Variants in CSMD3 observed in about 807,000 individuals in gnomAD.
CSMD3 encodes CUB and sushi domain-containing protein 3.
CSMD3 carries 177 observed loss-of-function variants against 435.2 expected under a neutral mutation model. The ratio of observed to expected loss-of-function variants is 0.41; its 90% CI spans 0.36 to 0.46. The LOEUF (loss-of-function observed/expected upper bound fraction) is 0.46. Ranked by LOEUF, CSMD3 falls within the 20% of genes least tolerant of loss-of-function variation. The pLI is 0.34. For synonymous variants in CSMD3, 1,656 were observed against 1,520.5 expected (o/e 1.09, Z -2.07); for missense variants, 4,265 against 4,504.6 (o/e 0.95, Z 1.52).
chr8:112,778,969 G>A (rs2078312537), intron 13 of CSMD3, among the ~76,000 whole-genome samples: 1 of 151,804 alleles, frequency 6.6e-6, no homozygotes. Context: ...ATTGCCATCT[G>A]TGTATCTTTT....
intron 6 of CSMD3, among the ~76,000 whole-genome samples, chr8:113,006,301 T>G (rs1026430180): frequency 6.6e-6 from 1 of 152,044 alleles, no homozygotes; most frequent in Non-Finnish European, 1.5e-5. Flanking sequence ...GTTGACAGAC[T>G]TTTGGACTCT....
intron 3 of CSMD3, among the ~76,000 whole-genome samples, chr8:113,267,105 T>C (rs1487882233): frequency 6.6e-6 from 1 of 151,666 alleles, no homozygotes; most frequent in Admixed American, 6.6e-5. Flanking sequence ...TAGTATCAGA[T>C]GTGCAATGAT....
rs529211040 is a variant in CSMD3 at position 112,438,076 on chromosome 8, C to A, written c.5396-29044G>T. ...TCTAACCTCTCCAACTATGCCCAAGCAATTACCAGGACCAAAATAATTATC... is the reference window on the plus strand; with the variant it reads ...TCTAACCTCTCCAACTATGCCCAAGAAATTACCAGGACCAAAATAATTATC... On this transcript the variant is annotated intron_variant, in intron 32 of 70. Coordinates refer to ENST00000297405, the MANE Select transcript of CSMD3 (RefSeq NM_198123.2). Among the ~76,000 whole-genome samples, 3 of 152,286 alleles carry A rather than the reference C, an allele frequency of 2.0e-5. No homozygotes were observed. In the East Asian group the frequency reaches 5.8e-4, roughly 29 times the overall value.
intron 13 of CSMD3, among the ~76,000 whole-genome samples, chr8:112,714,089 A>G (rs2076670894): frequency 6.6e-6 from 1 of 152,202 alleles, no homozygotes; most frequent in Non-Finnish European, 1.5e-5. Flanking sequence ...CCTTAAATGT[A>G]AATGAGCTAA....
chr8:112,721,946 G>A (rs549619432), intron 13 of CSMD3, among the ~76,000 whole-genome samples: 60 of 152,162 alleles, frequency 3.9e-4, no homozygotes, highest in African/African-American at 1.3e-3. Context: ...GCATTGGTTA[G>A]AGTTCATATT....
intron 4 of CSMD3, among the ~76,000 whole-genome samples, chr8:113,109,303 C>T (rs767231841): frequency 6.6e-5 from 10 of 152,148 alleles, no homozygotes; most frequent in East Asian, 1.9e-4. Context: ...AGTATCAAGT[C>T]GGAAGTCTAA....
intron 5 of CSMD3, among the ~76,000 whole-genome samples, chr8:113,051,991 T>A (rs2088114978): frequency 6.6e-6 from 1 of 152,146 alleles, no homozygotes; most frequent in Admixed American, 6.5e-5. Flanking sequence ...TGGTACTTGT[T>A]TAATTTTTTG....
chr8:113,017,702 C>A (rs566640238), intron 6 of CSMD3, among the ~76,000 whole-genome samples: 17 of 151,918 alleles, frequency 1.1e-4, no homozygotes, highest in Admixed American at 6.6e-5. Context: ...AGAAGCTTCA[C>A]AATATCTTAT....
chr8:113,104,476 A>T (rs1206415451), intron 4 of CSMD3, among the ~76,000 whole-genome samples: 1 of 152,114 alleles, frequency 6.6e-6, no homozygotes. Context: ...AATTTTGTGT[A>T]ACTGCCTCTA....
At chr8:112,398,879 G>C (rs1257480900) in intron 35 of CSMD3, among the ~76,000 whole-genome samples, 1 of 151,708 alleles carries the variant, frequency 6.6e-6, no homozygotes, top group Non-Finnish European at 1.5e-5. Flanking sequence ...GAGATTGTGA[G>C]TTCATACTAA....
rs149828710 is a variant in CSMD3 at position 113,362,038 on chromosome 8, A to G, written c.179-47245T>C. Among the ~76,000 whole-genome samples the G allele has an allele frequency of 6.7e-3, 1,020 of 152,304 alleles. 11 individuals are homozygous for G. The highest frequency in any genetic ancestry group is 0.023 in the African/African-American group (954 of 41,572). Reference sequence around the variant, plus strand: ...CATCTATATTAATAAGTTATTCACAAGAGTATGTATTTCTCTAAATCATCT... The same window carrying G: ...CATCTATATTAATAAGTTATTCACAGGAGTATGTATTTCTCTAAATCATCT... On this transcript the variant is annotated intron_variant, in intron 1 of 70. Transcript: ENST00000297405.
At chr8:112,559,011 A>G (rs1828376935) in intron 24 of CSMD3, among the ~76,000 whole-genome samples, 1 of 151,840 alleles carries the variant, frequency 6.6e-6, no homozygotes, top group South Asian at 2.1e-4. Flanking sequence ...AGGAAAAAAA[A>G]TAGAGGCTTC....
chr8:112,364,748 G>A (rs57002070), intron 38 of CSMD3, among the ~76,000 whole-genome samples: 15,926 of 151,886 alleles, frequency 0.1, 1,925 homozygotes, highest in African/African-American at 0.3. Flanking sequence ...GATATTCCAT[G>A]AGCTAGGATC....
intron 2 of CSMD3, among the ~76,000 whole-genome samples, chr8:113,288,526 C>T (rs770540919): frequency 4.6e-5 from 7 of 151,676 alleles, no homozygotes; most frequent in Non-Finnish European, 7.4e-5. Context: ...TTATTTTTTC[C>T]ATTGAATAAC....
At chr8:112,414,162 G>A (rs1563917906) in intron 32 of CSMD3, among the ~76,000 whole-genome samples, 1 of 152,124 alleles carries the variant, frequency 6.6e-6, no homozygotes. Flanking sequence ...AAACCCATCA[G>A]AGTAGTTCAT....
intron 37 of CSMD3, among the ~76,000 whole-genome samples, chr8:112,382,567 G>A (rs891111164): frequency 6.6e-6 from 1 of 152,006 alleles, no homozygotes; most frequent in Non-Finnish European, 1.5e-5. Context: ...AAGTTAATAT[G>A]TTAGCTATAT....
chr8:112,702,745 G>A (rs911438986), intron 13 of CSMD3, among the ~76,000 whole-genome samples: 1 of 151,966 alleles, frequency 6.6e-6, no homozygotes, highest in African/African-American at 2.4e-5. Flanking sequence ...GTGAAGTAGG[G>A]TATTTCCCCT....
At chr8:112,817,074 T>TA (rs201041111) in intron 12 of CSMD3, among the ~76,000 whole-genome samples, 1,798 of 152,244 alleles carry the variant, frequency 0.012, 16 homozygotes, top group Non-Finnish European at 0.018. Context: ...CATCCAACGT[T>TA]AGTGCATACT....
At chr8:112,678,498 A>G (rs1410225121) in intron 16 of CSMD3, among the ~76,000 whole-genome samples, 5 of 152,326 alleles carry the variant, frequency 3.3e-5, no homozygotes, top group African/African-American at 1.2e-4. Context: ...AGAATCTGGT[A>G]AAGCAAATCA....
Sources: gnomAD v4.1 joint callset for allele counts (sites outside exome capture counted in the v4.1 genomes callset) on GRCh38, gnomAD v4.1.1 for gene constraint, MANE v1.5 for transcripts, NCBI Gene and HGNC (gene_info 2026-07-23, HGNC 2026-07-21) for gene names.